SH2D3C: variants seen among roughly 807,000 people sequenced by gnomAD.
SH2D3C encodes SH2 domain-containing protein 3C.
Under a neutral mutation model 75.2 loss-of-function variants are expected in SH2D3C, and 25 were observed. The ratio of observed to expected loss-of-function variants is 0.33; its 90% confidence interval spans 0.24 to 0.46. SH2D3C has a LOEUF of 0.46. SH2D3C is among the 20% of genes least tolerant of loss of function. The pLI, the probability that SH2D3C is intolerant of heterozygous loss-of-function variation, is 1.00. For synonymous variants in SH2D3C, 450 were observed against 473.7 expected (o/e 0.95, Z 0.65); for missense variants, 933 against 1,165.3 (o/e 0.80, Z 2.90).
At chr9:127,762,169 A>C in intron 2 of SH2D3C, 1 of 1,179,668 alleles carries the variant, frequency 8.5e-7, no homozygotes, top group African/African-American at 1.6e-5. Context: ...GCCACTGCCC[A>C]GCTGACTGCG....
chr9:127,742,091 G>A (rs896305697), intron 8 of SH2D3C, 132 bp from the exon 9 acceptor site: 14 of 798,092 alleles, frequency 1.8e-5, no homozygotes, highest in Non-Finnish European at 2.5e-5. Context: ...AAGGGTCAAT[G>A]GGATAAGGGG....
At chr9:127,760,601 A>C (rs778525780) in intron 3 of SH2D3C, among the ~76,000 whole-genome samples, 2 of 152,050 alleles carry the variant, frequency 1.3e-5, no homozygotes, top group African/African-American at 2.4e-5. Flanking sequence ...AAAGTATATA[A>C]AAATAAAAAA....
chr9:127,741,408 T>C (rs1394594006), intron 9 of SH2D3C, among the ~76,000 whole-genome samples: 2 of 151,978 alleles, frequency 1.3e-5, no homozygotes, highest in East Asian at 3.9e-4. Context: ...GCCCGGCTTT[T>C]TGTACTTTTT....
rs373269181 is a variant in SH2D3C, at chr9:127,744,365, C to T, written c.1800+199G>A. 1.2e-4 allele frequency among the ~76,000 whole-genome samples: 19 copies of T among 152,262 alleles called. No individual in the cohort carries two copies. The East Asian group carries it at 2.9e-3, about 23-fold the overall frequency. On this transcript the variant is annotated intron_variant, in intron 7 of 11. Coordinates refer to ENST00000314830, the MANE Select transcript of SH2D3C (RefSeq NM_170600.3). ...GGATTCAGGTGTGAGCTACCACCCC[C>T]GGCCTTTTTAAAAGGAGAAACTGGA...
In SH2D3C at chr9:127,764,165, G is replaced by C. The variant is rs141567630; in HGVS notation, c.516-2515C>G. Among the ~76,000 whole-genome samples, 398 of 152,308 alleles carry C rather than the reference G, an allele frequency of 2.6e-3. 9 individuals are homozygous for C. In the East Asian group the frequency reaches 0.057, roughly 22 times the overall value. On this transcript the variant is annotated intron_variant, in intron 2 of 11. Coordinates refer to ENST00000314830, the MANE Select transcript of SH2D3C (RefSeq NM_170600.3). ...GCAGAGCCTTGGAGACAGGGTGCCT[G>C]CACAAGAGATCAGGCCTGACTAGGG...
At chr9:127,744,431 A>T in intron 7 of SH2D3C, 133 bp downstream of exon 7, 1 of 1,159,312 alleles carries the variant, frequency 8.6e-7, no homozygotes. Flanking sequence ...GTCACAGAGC[A>T]GGCAAAGGAC....
chr9:127,771,439 G>A (rs1412892036), intron 2 of SH2D3C: 1 of 1,203,998 alleles, frequency 8.3e-7, no homozygotes, highest in Non-Finnish European at 1.1e-6. Flanking sequence ...TCTCCGCCTC[G>A]AACACGGCCC....
chr9:127,748,853 G>A (rs149007592), intron 5 of SH2D3C, among the ~76,000 whole-genome samples: 1 of 152,368 alleles, frequency 6.6e-6, no homozygotes, highest in East Asian at 1.9e-4. Context: ...GGTGGCATCA[G>A]GTGGCGGGGA....
In SH2D3C at chr9:127,749,700, G is replaced by A. The variant is rs1845140482; in HGVS notation, c.685-35C>T. ...GCATGGTTAGGCTGGAGTAGGGTGG[G>A]GCCAGGAGAGGGTCAGACCCAGGAT... On this transcript the variant is annotated intron_variant, in intron 4 of 11. Coordinates refer to ENST00000314830, the MANE Select transcript of SH2D3C (RefSeq NM_170600.3). The surrounding 1 kb of genome is among the most constrained non-coding windows in gnomAD (Gnocchi z 5.9). 3 of 1,392,996 alleles carry A rather than the reference G, an allele frequency of 2.2e-6. No individual in the cohort carries two copies. The highest frequency in any genetic ancestry group is 5.0e-5 in the East Asian group (2 of 40,164). The allele number at this position is 1,392,996 out of a possible 1,614,324, so 86.3% of individuals were successfully genotyped here.
intron 2 of SH2D3C, among the ~76,000 whole-genome samples, chr9:127,772,555 C>T (rs1179847185): frequency 2.6e-5 from 4 of 152,228 alleles, no homozygotes; most frequent in African/African-American, 9.6e-5. Context: ...CCACTGCGCC[C>T]GGCCAGCTGA....
chr9:127,763,857 A>C (rs139067672), intron 2 of SH2D3C, among the ~76,000 whole-genome samples: 273 of 152,268 alleles, frequency 1.8e-3, no homozygotes, highest in African/African-American at 6.2e-3. Flanking sequence ...CTTCTCTCCT[A>C]GAAAGCCCTA....
chr9:127,766,587 T>C (rs1293494034), intron 2 of SH2D3C, among the ~76,000 whole-genome samples: 1 of 152,032 alleles, frequency 6.6e-6, no homozygotes, highest in Non-Finnish European at 1.5e-5. Flanking sequence ...TTGTTTGTTT[T>C]GAGATGGAGT....
At chr9:127,777,403 A>G (rs190978565) in intron 1 of SH2D3C, among the ~76,000 whole-genome samples, 62 of 146,792 alleles carry the variant, frequency 4.2e-4, no homozygotes, top group African/African-American at 1.5e-3. Context: ...ATCCCATGAC[A>G]CCCCCATCCC....
chr9:127,759,810 C>T (rs533722793), intron 3 of SH2D3C, among the ~76,000 whole-genome samples: 1 of 151,924 alleles, frequency 6.6e-6, no homozygotes, highest in South Asian at 2.1e-4. Context: ...GGTGAAACTC[C>T]GACTCTACTA....
chr9:127,755,119 G>A (rs1255804919), intron 3 of SH2D3C: 1 of 1,219,572 alleles, frequency 8.2e-7, no homozygotes, highest in Admixed American at 4.3e-5. Flanking sequence ...GCAGCAGGCG[G>A]CGGCCGACAG....
At chr9:127,756,060 G>C (rs1459786141) in intron 3 of SH2D3C, among the ~76,000 whole-genome samples, 2 of 152,190 alleles carry the variant, frequency 1.3e-5, no homozygotes, top group Non-Finnish European at 2.9e-5. Flanking sequence ...CACGCCCTGG[G>C]AGACCGGGGC....
rs562363066 is a variant in SH2D3C, at chr9:127,749,401, A to G, written c.949T>C (p.Cys317Arg). The G allele has an allele frequency of 1.2e-6, 2 of 1,614,144 alleles. No homozygotes were observed. Among genetic ancestry groups the G allele is most frequent in the Non-Finnish European group, 8.5e-7 (1 of 1,180,038 alleles). The change falls in exon 5 of 12, where the codon TGC becomes CGC. Residue 317 changes from cysteine to arginine, a missense_variant. Physicochemically the swap from Cys to Arg is radical, Grantham distance 180. Coordinates refer to ENST00000314830, the MANE Select transcript of SH2D3C (RefSeq NM_170600.3). The surrounding 1 kb of genome is among the most constrained non-coding windows in gnomAD (Gnocchi z 5.9). ...VSEQSGAIIY[C>R]PVNRTFPLRY... ...AGTGGGAAGGTGCGGTTCACCGGGCAGTAGATGATGGCACCACTCTGCTCT... is the reference window on the plus strand; with the variant it reads ...AGTGGGAAGGTGCGGTTCACCGGGCGGTAGATGATGGCACCACTCTGCTCT...
chr9:127,740,839 C>T (rs1216185064), intron 9 of SH2D3C, among the ~76,000 whole-genome samples: 1 of 152,176 alleles, frequency 6.6e-6, no homozygotes, highest in Non-Finnish European at 1.5e-5. Context: ...TGTCACCACG[C>T]CCGGCTAATT....
At position 127,754,917 on chromosome 9, in the gene SH2D3C, C is replaced by G. The variant is rs1845321156; in HGVS notation, c.556-3617G>C. On this transcript the variant is annotated intron_variant, in intron 3 of 11. Coordinates refer to ENST00000314830, the MANE Select transcript of SH2D3C (RefSeq NM_170600.3). The surrounding 1 kb of genome is among the most constrained non-coding windows in gnomAD (Gnocchi z 4.4). ...AGCGCCTGGGCGCCCAGAGGTGAGG[C>G]TGGGGTGACCCCGCCCCCTCCCCGG... is the stretch of plus-strand genomic sequence containing the variant. 1 of 515,724 alleles carries G rather than the reference C, an allele frequency of 1.9e-6. No homozygotes were observed. The highest frequency in any genetic ancestry group is 2.3e-5 in the Admixed American group (1 of 43,280). The allele number at this position is 515,724 out of a possible 1,614,324, so 31.9% of individuals were successfully genotyped here.
Sources: allele counts gnomAD v4.1 joint callset (sites outside exome capture counted in the v4.1 genomes callset), GRCh38; gene constraint gnomAD v4.1.1; non-coding constraint Gnocchi (gnomAD v3.1); transcripts MANE v1.5; gene names NCBI Gene and HGNC (gene_info 2026-07-23, HGNC 2026-07-21).